HEMK2: variants seen among roughly 807,000 people sequenced by gnomAD.
HEMK2 encodes the protein methyltransferase HEMK2.
chr21:28,855,120 T>C, the HEMK2 span, among the ~76,000 whole-genome samples: 5 of 152,128 alleles, frequency 3.3e-5, no homozygotes, highest in African/African-American at 1.2e-4. Context: ...CCAGAGACTA[T>C]TTCTTATATA....
the HEMK2 span, among the ~76,000 whole-genome samples, chr21:28,784,622 G>A: frequency 6.6e-6 from 1 of 151,980 alleles, no homozygotes; most frequent in African/African-American, 2.4e-5. Context: ...CCTGTGTCTA[G>A]CTCAAGGTTT....
At chr21:28,866,127 T>C in the HEMK2 span, among the ~76,000 whole-genome samples, 1 of 120,146 alleles carries the variant, frequency 8.3e-6, no homozygotes, top group Non-Finnish European at 1.6e-5. Context: ...CAACATGGTA[T>C]GGCAAAAGCC....
the HEMK2 span, among the ~76,000 whole-genome samples, chr21:28,862,007 C>T: frequency 3.9e-5 from 6 of 152,196 alleles, no homozygotes; most frequent in Admixed American, 3.9e-4. Flanking sequence ...GCCACCTGGA[C>T]ACTTTGGGCT....
At chr21:28,831,720 AAGGAAGGAAG>A in the HEMK2 span, among the ~76,000 whole-genome samples, 8 of 137,644 alleles carry the variant, frequency 5.8e-5, no homozygotes, top group African/African-American at 2.3e-4. Flanking sequence ...GGAAGGAAGG[AAGGAAGGAAG>A]GAAGGAAAGA....
At chr21:28,595,219 A>G in the HEMK2 span, among the ~76,000 whole-genome samples, 2 of 152,200 alleles carry the variant, frequency 1.3e-5, no homozygotes, top group East Asian at 1.9e-4. Context: ...GTACAACTAC[A>G]TTATTATTGA....
chr21:28,596,173 C>A, the HEMK2 span, among the ~76,000 whole-genome samples: 39 of 151,974 alleles, frequency 2.6e-4, no homozygotes, highest in Non-Finnish European at 5.0e-4. Flanking sequence ...CCCGCCACCA[C>A]ACCTGGCTAA....
the HEMK2 span, among the ~76,000 whole-genome samples, chr21:28,745,251 GTA>G: frequency 1.3e-5 from 2 of 152,214 alleles, no homozygotes; most frequent in African/African-American, 4.8e-5. Flanking sequence ...CTCGTGGTCA[GTA>G]TGCAGTATTT....
At chr21:28,586,863 G>A in the HEMK2 span, among the ~76,000 whole-genome samples, 12 of 152,002 alleles carry the variant, frequency 7.9e-5, no homozygotes, top group East Asian at 2.1e-3. Flanking sequence ...CTTTTATAAG[G>A]GCATTAACCC....
At chr21:28,722,000 ATCATAGCTTATGCCTCAGTTGC>A in the HEMK2 span, among the ~76,000 whole-genome samples, 5 of 151,982 alleles carry the variant, frequency 3.3e-5, no homozygotes, top group African/African-American at 7.3e-5. Context: ...GTAAATAGAA[ATCATAGCTTATGCCTCAGTTGC>A]ATTCTCTGAA....
the HEMK2 span, among the ~76,000 whole-genome samples, chr21:28,793,828 T>C: frequency 6.6e-6 from 1 of 152,094 alleles, no homozygotes; most frequent in Non-Finnish European, 1.5e-5. Flanking sequence ...TCAAAGGCCA[T>C]ATGAAGACAA....
the HEMK2 span, among the ~76,000 whole-genome samples, chr21:28,848,192 T>G: frequency 6.6e-6 from 1 of 152,200 alleles, no homozygotes; most frequent in Non-Finnish European, 1.5e-5. Context: ...ATAGCATTCA[T>G]TCTATAAATT....
chr21:28,694,065 T>C, the HEMK2 span, among the ~76,000 whole-genome samples: 1 of 152,230 alleles, frequency 6.6e-6, no homozygotes, highest in Non-Finnish European at 1.5e-5. Flanking sequence ...ACAATGTAAT[T>C]ACAGAGGCAG....
the HEMK2 span, among the ~76,000 whole-genome samples, chr21:28,723,054 C>T: frequency 2.0e-5 from 3 of 152,080 alleles, no homozygotes; most frequent in African/African-American, 4.8e-5. Context: ...CTGTTACCCA[C>T]GCTGGAGTGC....
the HEMK2 span, among the ~76,000 whole-genome samples, chr21:28,684,665 G>C: frequency 6.6e-6 from 1 of 152,152 alleles, no homozygotes; most frequent in African/African-American, 2.4e-5. Flanking sequence ...GTGTCTTTCA[G>C]AATTATGATC....
chr21:28,629,486 C>T, the HEMK2 span, among the ~76,000 whole-genome samples: 14 of 152,132 alleles, frequency 9.2e-5, no homozygotes, highest in Admixed American at 3.9e-4. Flanking sequence ...AAAGCAAAGG[C>T]CCTAATATAA....
chr21:28,631,409 T>C, the HEMK2 span, among the ~76,000 whole-genome samples: 44 of 152,304 alleles, frequency 2.9e-4, no homozygotes, highest in African/African-American at 9.6e-4. Flanking sequence ...TTCAATAATT[T>C]CCAATCCTAG....
the HEMK2 span, among the ~76,000 whole-genome samples, chr21:28,742,929 T>C: frequency 6.6e-6 from 1 of 152,220 alleles, no homozygotes; most frequent in African/African-American, 2.4e-5. Flanking sequence ...CTATGAACCA[T>C]TTTTAAGTTT....
chr21:28,580,140 T>C, the HEMK2 span, among the ~76,000 whole-genome samples: 1 of 152,206 alleles, frequency 6.6e-6, no homozygotes, highest in Non-Finnish European at 1.5e-5. Flanking sequence ...TACCACTTTG[T>C]ACACTTCTTA....
the HEMK2 span, among the ~76,000 whole-genome samples, chr21:28,782,514 C>A: frequency 2.0e-5 from 3 of 152,056 alleles, no homozygotes; most frequent in Non-Finnish European, 4.4e-5. Context: ...ACAAATTATA[C>A]CTATTCAAAA....
Sources: allele counts gnomAD v4.1 joint callset (sites outside exome capture counted in the v4.1 genomes callset), GRCh38; gene constraint gnomAD v4.1.1; transcripts MANE v1.5; gene names NCBI Gene and HGNC (gene_info 2026-07-23, HGNC 2026-07-21).